The following DOCK9 variants were observed in gnomAD, a reference collection of about 807,000 sequenced individuals.
DOCK9 encodes the protein dedicator of cytokinesis protein 9.
DOCK9 carries 89 observed loss-of-function variants against 263.3 expected under a neutral mutation model. That is an observed-to-expected ratio of 0.34 (90% confidence interval 0.28 to 0.40). DOCK9 has a LOEUF of 0.40. Ranked by LOEUF, DOCK9 falls within the 10% of genes least tolerant of loss-of-function variation. The pLI is 1.00. For missense variants in DOCK9, 2,140 were observed against 2,603.4 expected (o/e 0.82, Z 3.87); for synonymous variants, 976 against 973.1 (o/e 1.00, Z -0.06).
chr13:98,832,128 AGAAGT>A, intron 39 of DOCK9: 1 of 227,644 alleles, frequency 4.4e-6, no homozygotes, highest in Admixed American at 5.0e-5. Flanking sequence ...ATTCCAACAG[AGAAGT>A]GCCATCACAG....
At chr13:98,991,620 T>G (rs955802598) in intron 1 of DOCK9, among the ~76,000 whole-genome samples, 5 of 151,742 alleles carry the variant, frequency 3.3e-5, no homozygotes, top group African/African-American at 1.2e-4. Flanking sequence ...AAAACTGATT[T>G]TATCTGTTTT....
At position 98,800,368 on chromosome 13, in the gene DOCK9, C is replaced by T; in HGVS notation, c.5836G>A (p.Glu1946Lys). Residue 1946 changes from glutamate (E) to lysine (K), a missense_variant, in exon 50 of 53, where the codon GAG becomes AAG. Physicochemically the swap from Glu to Lys is moderately conservative, Grantham distance 56. Around this residue, in one of 2 missense-constraint regions of DOCK9, gnomAD observed 619 missense variants for 861.8 expected, o/e 0.72. Coordinates refer to ENST00000682017, the MANE Select transcript of DOCK9 (RefSeq NM_001366683.2). Reference protein sequence around the residue: ...AIDEMSKKVAELRQLCSSAEV... With the variant: ...AIDEMSKKVAKLRQLCSSAEV... ...GCCGAGGAGCACAGCTGCCGGAGCTCCGCCACCTTCTTACTCATCTCGTCA... is the reference window on the plus strand; with the variant it reads ...GCCGAGGAGCACAGCTGCCGGAGCTTCGCCACCTTCTTACTCATCTCGTCA... 1 of 1,613,806 alleles carries T rather than the reference C, an allele frequency of 6.2e-7. No homozygotes were observed. The highest frequency in any genetic ancestry group is 8.5e-7 in the Non-Finnish European group (1 of 1,179,838).
chr13:98,843,788 C>A (rs1319290352), intron 38 of DOCK9, among the ~76,000 whole-genome samples: 2 of 152,192 alleles, frequency 1.3e-5, no homozygotes, highest in Non-Finnish European at 2.9e-5. Flanking sequence ...CAGCACCAGG[C>A]CAGCTGTCTC....
intron 1 of DOCK9, among the ~76,000 whole-genome samples, chr13:99,007,558 T>C (rs1043053206): frequency 2.6e-5 from 4 of 152,192 alleles, no homozygotes; most frequent in Non-Finnish European, 5.9e-5. Context: ...TCTTTACTTC[T>C]GAATATCCAT....
In DOCK9 at chr13:98,977,835, G is replaced by GT; in HGVS notation, c.74dup (p.Tyr25Ter). Residue 25 changes from tyrosine (Y) to a stop codon, truncating the protein, a stop_gained and frameshift_variant, in exon 1 of 53, where the codon TAC becomes TAAC. Coordinates refer to ENST00000682017, the MANE Select transcript of DOCK9 (RefSeq NM_001366683.2). LOFTEE classifies it high-confidence loss of function. ...KELVIESPLQ[Y>*]KDAAQGEVEA... is the part of the protein sequence containing the mutation. ...CCACTTCGCCCTGAGCTGCATCCTT[G>GT]TATTGCAGGGGGGACTCAATCACCA... is the stretch of plus-strand genomic sequence containing the variant. 1.2e-6 allele frequency: 2 copies of GT among 1,609,376 alleles called. No homozygotes were observed. The highest frequency in any genetic ancestry group is 1.7e-6 in the Non-Finnish European group (2 of 1,177,690).
At chr13:98,940,794 G>A (rs1400026964) in intron 2 of DOCK9, among the ~76,000 whole-genome samples, 1 of 152,056 alleles carries the variant, frequency 6.6e-6, no homozygotes, top group African/African-American at 2.4e-5. Context: ...AGTACCCACA[G>A]CGATGCACAA....
chr13:98,831,781 C>A lies in DOCK9; in HGVS notation c.4320G>T (p.Gln1440His). ...GATTATGTCCATGGTCGGCCAGGAGCTGGTTCTTAAAACACACATTGACGG... is the reference window on the plus strand; with the variant it reads ...GATTATGTCCATGGTCGGCCAGGAGATGGTTCTTAAAACACACATTGACGG... ...LSLFTLAFKN[Q>H]LLADHGHNPL... Residue 1440 changes from glutamine to histidine, a missense_variant, in exon 40 of 53, where the codon CAG becomes CAT. Coordinates refer to ENST00000682017, the MANE Select transcript of DOCK9 (RefSeq NM_001366683.2). 6.2e-7 allele frequency: 1 copy of A among 1,613,640 alleles called. No individual in the cohort carries two copies. Among genetic ancestry groups the A allele is most frequent in the Non-Finnish European group, 8.5e-7 (1 of 1,179,738 alleles).
At position 99,004,997 on chromosome 13, in the gene DOCK9, T is replaced by C. The variant is rs535010251; in HGVS notation, c.130-49446A>G. Among the ~76,000 whole-genome samples the C allele has an allele frequency of 3.3e-5, 5 of 152,298 alleles. No homozygotes were observed. The South Asian group carries it at 1.0e-3, about 32-fold the overall frequency. On this transcript the variant is annotated intron_variant, in intron 1 of 32. Transcript: ENST00000427887. ...TATTTCCTGCAGACATGAATAGACTTTGTTTGGAAACTCTGCTAGCACCTT... is the reference window on the plus strand; with the variant it reads ...TATTTCCTGCAGACATGAATAGACTCTGTTTGGAAACTCTGCTAGCACCTT...
At chr13:98,802,155 G>C (rs1360357516) in intron 49 of DOCK9, among the ~76,000 whole-genome samples, 3 of 152,106 alleles carry the variant, frequency 2.0e-5, no homozygotes, top group African/African-American at 7.2e-5. Context: ...GTCAACTCCA[G>C]GTTCCCAGTC....
chr13:98,951,159 C>T (rs2057366403), intron 2 of DOCK9, among the ~76,000 whole-genome samples: 1 of 152,016 alleles, frequency 6.6e-6, no homozygotes, highest in African/African-American at 2.4e-5. Context: ...CTGGGTAAGA[C>T]AACAAAACAA....
At chr13:98,944,587 G>T (rs1261776123) in intron 2 of DOCK9, among the ~76,000 whole-genome samples, 3 of 152,114 alleles carry the variant, frequency 2.0e-5, no homozygotes, top group Non-Finnish European at 2.9e-5. Flanking sequence ...TCCTGCTCCC[G>T]CATAACATGT....
At chr13:98,795,440 G>A (rs761392108) in intron 52 of DOCK9, among the ~76,000 whole-genome samples, 5 of 152,168 alleles carry the variant, frequency 3.3e-5, no homozygotes, top group African/African-American at 1.2e-4. Flanking sequence ...GTCTACCCCC[G>A]CCACGGCCCT....
At chr13:98,885,908 T>TTGGGTAACACA in intron 19 of DOCK9, 77 bp from the exon 20 acceptor site, 1 of 1,415,346 alleles carries the variant, frequency 7.1e-7, no homozygotes. Context: ...ACAGTATGTG[T>TTGGGTAACACA]TACCCAACGC....
chr13:98,794,865 C>T (rs1223566416), intron 52 of DOCK9, 117 bp from the exon 53 acceptor site: 1 of 1,126,034 alleles, frequency 8.9e-7, no homozygotes, highest in East Asian at 2.4e-5. Context: ...GAGTTTAAGG[C>T]AATGTTGCCA....
At chr13:98,878,760 C>G (rs539155696) in intron 27 of DOCK9, among the ~76,000 whole-genome samples, 3 of 152,324 alleles carry the variant, frequency 2.0e-5, no homozygotes, top group Non-Finnish European at 4.4e-5. Flanking sequence ...AACCACCTGG[C>G]CAGGCCCAGT....
At chr13:98,925,799 A>G (rs777648692) in intron 4 of DOCK9, 38 bp downstream of exon 4, 2 of 1,426,860 alleles carry the variant, frequency 1.4e-6, no homozygotes, top group Non-Finnish European at 1.9e-6. Context: ...TTTCAAGTAC[A>G]AAGACTTTTC....
intron 27 of DOCK9, among the ~76,000 whole-genome samples, chr13:98,879,223 G>A (rs2142554266): frequency 6.6e-6 from 1 of 152,296 alleles, no homozygotes; most frequent in South Asian, 2.1e-4. Flanking sequence ...CACCAGTCCA[G>A]AGACAAGACC....
chr13:98,801,323 CA>C (rs1220124554), intron 49 of DOCK9, among the ~76,000 whole-genome samples: 2 of 151,798 alleles, frequency 1.3e-5, no homozygotes, highest in African/African-American at 4.8e-5. Context: ...AAACCCAAAC[CA>C]AAAAAACACA....
At chr13:98,897,418 T>TC in intron 15 of DOCK9, 70 bp downstream of exon 15, 1 of 1,581,532 alleles carries the variant, frequency 6.3e-7, no homozygotes, top group South Asian at 1.2e-5. Context: ...AAGTGACTGC[T>TC]CCCCTGTTCC....
Sources: allele counts gnomAD v4.1 joint callset (sites outside exome capture counted in the v4.1 genomes callset), GRCh38; gene constraint gnomAD v4.1.1; regional missense constraint gnomAD v4.1.1; transcripts MANE v1.5; gene names NCBI Gene and HGNC (gene_info 2026-07-23, HGNC 2026-07-21).